Variants in MIER2 observed in about 807,000 individuals in gnomAD.
The protein encoded by MIER2 is MIER family member 2, also known as mesoderm induction early response protein 2.
A neutral mutation model predicts 67.6 loss-of-function variants in MIER2; 30 were observed. That is an observed-to-expected ratio of 0.44 (90% confidence interval 0.33 to 0.60). The LOEUF is 0.60. Ranked by LOEUF, MIER2 falls within the 20% of genes least tolerant of loss-of-function variation. The pLI is 0.02. For missense variants in MIER2, 702 were observed against 745.1 expected (o/e 0.94, Z 0.67); for synonymous variants, 372 against 312.6 (o/e 1.19, Z -2.00).
intron 10 of MIER2, among the ~76,000 whole-genome samples, chr19:309,127 A>G (rs1271880534): frequency 6.6e-6 from 1 of 152,026 alleles, no homozygotes; most frequent in African/African-American, 2.4e-5. Flanking sequence ...GGCTCGGAGC[A>G]CTGTGGCACT....
intron 1 of MIER2, among the ~76,000 whole-genome samples, chr19:342,621 G>T: frequency 6.8e-6 from 1 of 147,672 alleles, no homozygotes; most frequent in African/African-American, 2.5e-5. Flanking sequence ...GTATGCCTGA[G>T]AAAAGTATGA....
intron 1 of MIER2, among the ~76,000 whole-genome samples, chr19:337,870 C>CAAAAAAAAAAAA (rs34553732): frequency 1.3e-4 from 5 of 37,128 alleles, no homozygotes; most frequent in African/African-American, 1.7e-4. Flanking sequence ...CTCCATCTCA[C>CAAAAAAAAAAAA]AAAAAAAAAA....
intron 10 of MIER2, among the ~76,000 whole-genome samples, chr19:309,518 G>A (rs34072792): frequency 0.089 from 12,406 of 139,474 alleles, 573 homozygotes; most frequent in African/African-American, 0.17. Context: ...AATTCCCAAC[G>A]TAGCACATAA....
intron 1 of MIER2, among the ~76,000 whole-genome samples, chr19:337,304 C>T (rs1219363885): frequency 6.6e-6 from 1 of 152,100 alleles, no homozygotes; most frequent in Non-Finnish European, 1.5e-5. Flanking sequence ...TACATCACAT[C>T]AATAAAATAA....
At chr19:312,081 AGCGGCGCCCAGG>A (rs1425872478) in intron 9 of MIER2, 98 bp downstream of exon 9, 2 of 1,332,786 alleles carry the variant, frequency 1.5e-6, no homozygotes, top group Non-Finnish European at 2.1e-6. Context: ...GAGAACGGTC[AGCGGCGCCCAGG>A]GCGGGGCCGC....
chr19:312,164 G>A lies in MIER2; in HGVS notation c.889+27C>T, dbSNP rs57027105. ...GCAGTGCCCAGGGCGGGGCCGCAGCGGAAGGAAGGCCCAGACCGCTGCTCA... is the reference window on the plus strand; with the variant it reads ...GCAGTGCCCAGGGCGGGGCCGCAGCAGAAGGAAGGCCCAGACCGCTGCTCA... On this transcript the variant is annotated intron_variant, in intron 9 of 13. Coordinates refer to ENST00000264819, the MANE Select transcript of MIER2 (RefSeq NM_017550.3). The A allele has an allele frequency of 3.4e-4, 474 of 1,377,272 alleles. 20 individuals carry two copies. The highest frequency in any genetic ancestry group is 2.6e-3 in the African/African-American group (129 of 49,030). 85.3% of individuals were successfully genotyped at this position (1,377,272 alleles called of 1,614,324 possible).
chr19:338,262 T>A (rs1178972043), intron 1 of MIER2, among the ~76,000 whole-genome samples: 1 of 151,614 alleles, frequency 6.6e-6, no homozygotes, highest in Admixed American at 6.6e-5. Flanking sequence ...TAAAAAACTA[T>A]TCAAACTACA....
At chr19:324,722 A>G (rs1033420567) in intron 7 of MIER2, among the ~76,000 whole-genome samples, 1 of 152,254 alleles carries the variant, frequency 6.6e-6, no homozygotes, top group Non-Finnish European at 1.5e-5. Context: ...GGGAGGGGCC[A>G]GCTGGCATCC....
chr19:315,955 G>A (rs1201909302), intron 7 of MIER2, among the ~76,000 whole-genome samples: 6 of 152,190 alleles, frequency 3.9e-5, no homozygotes, highest in African/African-American at 1.4e-4. Flanking sequence ...GAGAGAAAAG[G>A]GCACAATGAC....
At chr19:324,129 C>T (rs993235932) in intron 7 of MIER2, among the ~76,000 whole-genome samples, 1 of 139,736 alleles carries the variant, frequency 7.2e-6, no homozygotes, top group South Asian at 2.2e-4. Flanking sequence ...AAAGACACAA[C>T]CACACAGACG....
intron 1 of MIER2, chr19:344,414 CCGGGAA>C: frequency 1.0e-6 from 1 of 982,350 alleles, no homozygotes; most frequent in Non-Finnish European, 1.2e-6. Context: ...CGGGCCGGGG[CCGGGAA>C]CCGGAGCCGG....
chr19:321,802 G>T (rs1178389676), intron 7 of MIER2, among the ~76,000 whole-genome samples: 2 of 152,168 alleles, frequency 1.3e-5, no homozygotes, highest in African/African-American at 4.8e-5. Flanking sequence ...ATGACTCCGG[G>T]TGAGACAAGA....
At position 313,890 on chromosome 19, in the gene MIER2, G is replaced by C. The variant is rs146655097; in HGVS notation, c.656-247C>G. ...CACAGGCCTGTATCCCAACGACCAA[G>C]TGCAGGGAGCCATGAGCAGTCAGCA... On this transcript the variant is annotated intron_variant, in intron 7 of 13. Coordinates refer to ENST00000264819, the MANE Select transcript of MIER2 (RefSeq NM_017550.3). Among the ~76,000 whole-genome samples the C allele has an allele frequency of 4.9e-4, 75 of 152,294 alleles. No homozygotes were observed. In the East Asian group the frequency reaches 8.5e-3, roughly 17 times the overall value.
At chr19:313,368 C>T (rs947972072) in intron 8 of MIER2, 124 bp downstream of exon 8, 4 of 1,448,588 alleles carry the variant, frequency 2.8e-6, no homozygotes, top group African/African-American at 2.8e-5. Flanking sequence ...GTGCCCTGGC[C>T]CCCACACACC....
At chr19:335,685 C>T (rs1326750436) in intron 2 of MIER2, among the ~76,000 whole-genome samples, 2 of 152,198 alleles carry the variant, frequency 1.3e-5, no homozygotes, top group Non-Finnish European at 2.9e-5. Context: ...CAAGCAGCAG[C>T]GCAGGGAGGT....
intron 8 of MIER2, among the ~76,000 whole-genome samples, chr19:312,573 G>A (rs1392514079): frequency 3.3e-5 from 2 of 59,896 alleles, no homozygotes; most frequent in Admixed American, 1.6e-4. Context: ...ATCAGGGGCC[G>A]TCCACACCAC....
At chr19:327,026 C>T in intron 5 of MIER2, 107 bp downstream of exon 5, 7 of 1,444,170 alleles carry the variant, frequency 4.8e-6, no homozygotes, top group East Asian at 2.4e-5. Context: ...ACGCCCTCAT[C>T]TGTGATGAGT....
intron 1 of MIER2, among the ~76,000 whole-genome samples, chr19:341,660 G>A (rs929847018): frequency 1.3e-5 from 2 of 152,156 alleles, no homozygotes; most frequent in Non-Finnish European, 2.9e-5. Context: ...CACTCTGCAT[G>A]TTTCCCTCTG....
rs559803521 is a variant in MIER2, at chr19:317,440, T to C, written c.656-3797A>G. Among the ~76,000 whole-genome samples the C allele has an allele frequency of 2.6e-5, 4 of 151,608 alleles. No homozygotes were observed. The East Asian group carries it at 7.8e-4, about 29-fold the overall frequency. Reference sequence around the variant, plus strand: ...TACTCAGGAGGCTGAAGCAGGAGAATGGCGTGAACCCGGGAGGCGGAGCTT... The same window carrying C: ...TACTCAGGAGGCTGAAGCAGGAGAACGGCGTGAACCCGGGAGGCGGAGCTT... On this transcript the variant is annotated intron_variant, in intron 7 of 13. Transcript: ENST00000264819.
Sources: gnomAD v4.1 joint callset for allele counts (sites outside exome capture counted in the v4.1 genomes callset) on GRCh38, gnomAD v4.1.1 for gene constraint, MANE v1.5 for transcripts, NCBI Gene and HGNC (gene_info 2026-07-23, HGNC 2026-07-21) for gene names.